The following ABHD16A variants were observed in gnomAD, a reference collection of about 807,000 sequenced individuals.
ABHD16A encodes the protein abhydrolase domain containing 16A, phospholipase, also known as phosphatidylserine lipase ABHD16A.
ABHD16A carries 47 observed loss-of-function variants against 89.8 expected under a neutral mutation model. The observed-to-expected ratio is 0.52, with a 90% CI of 0.41 to 0.67. ABHD16A has a LOEUF of 0.67. Among genes scored for constraint, ABHD16A ranks in the 30% least tolerant of loss-of-function variants. ABHD16A has a pLI of 0.00. For missense variants in ABHD16A, 580 were observed against 734.6 expected (o/e 0.79, Z 2.43); for synonymous variants, 251 against 280.4 (o/e 0.90, Z 1.05).
At position 31,691,852 on chromosome 6, in the gene ABHD16A, C is replaced by T. The variant is rs752913554; in HGVS notation, c.693G>A (p.Lys231=). 6 of 1,611,764 alleles carry T rather than the reference C, an allele frequency of 3.7e-6. No individual in the cohort carries two copies. Among genetic ancestry groups the T allele is most frequent in the African/African-American group, 1.3e-5 (1 of 74,874 alleles). The change falls in exon 8 of 20, where the codon AAG becomes AAA. Residue 231 remains lysine, a synonymous_variant. Coordinates refer to ENST00000395952, the MANE Select transcript of ABHD16A (RefSeq NM_021160.3). ...LYPGSVYLLQ[K]ALMPVLLQGQ... The stretch of plus-strand genomic sequence containing the variant: ...CCTGCAGCAGCACAGGCATGAGGGC[C>T]TTCTGCAGCAGGTACACAGAGCCTG...
Position 31,688,895 on chromosome 6 carries a change from C to T in ABHD16A, c.1187-109G>A. On this transcript the variant is annotated intron_variant, in intron 13 of 19. Coordinates refer to ENST00000395952, the MANE Select transcript of ABHD16A (RefSeq NM_021160.3). The surrounding 1 kb of genome is among the most constrained non-coding windows in gnomAD (Gnocchi z 4.9). ...ACTGAGGCCCCCAGACAAAGGAGTC[C>T]TCCTGCTTCCAACAATGGGGCGACT... 1 of 1,423,812 alleles carries T rather than the reference C, an allele frequency of 7.0e-7. No homozygotes were observed. Among genetic ancestry groups the T allele is most frequent in the Non-Finnish European group, 9.7e-7 (1 of 1,032,334 alleles). 88.2% of individuals were successfully genotyped at this position (1,423,812 alleles called of 1,614,324 possible). A position where few individuals can be genotyped will look rare whatever the true frequency, so the allele number is the denominator to read the frequency against.
rs2151246144 is a variant in ABHD16A, at chr6:31,697,052, G to A, written c.344-19C>T. ...CCAATGCCTGGTAGAAAAAGGACAG[G>A]AAACAGTGCTAGGAAAACTGGGAAG... is the stretch of plus-strand genomic sequence containing the variant. On this transcript the variant is annotated intron_variant, in intron 4 of 19. Transcript: ENST00000395952. 2 of 1,605,020 alleles carry A rather than the reference G, an allele frequency of 1.2e-6. No homozygotes were observed. The highest frequency in any genetic ancestry group is 8.5e-7 in the Non-Finnish European group (1 of 1,172,718).
In ABHD16A at chr6:31,701,335, T is replaced by C. The variant is rs1350639732; in HGVS notation, c.195A>G (p.Ser65=). ...AGTAATAAGAGATGGACCAGAATAC[T>C]GAAGCCTGCAGCAGAGAGACAGGGA... ...KHADSILALA[S]VFWSISYYSS... Residue 65 remains serine, a synonymous_variant, in exon 3 of 20, where the codon TCA becomes TCG. Transcript: ENST00000395952. 2 of 1,612,172 alleles carry C rather than the reference T, an allele frequency of 1.2e-6. No homozygotes were observed. Among genetic ancestry groups the C allele is most frequent in the African/African-American group, 1.3e-5 (1 of 74,544 alleles).
rs1040053016 is a variant in ABHD16A at position 31,698,964 on chromosome 6, T to C, written c.344-1931A>G. 5.3e-5 allele frequency among the ~76,000 whole-genome samples: 8 copies of C among 152,126 alleles called. No homozygotes were observed. The highest frequency in any genetic ancestry group is 1.4e-4 in the African/African-American group (6 of 41,418). The stretch of plus-strand genomic sequence containing the variant: ...AATTGCGAGATACAACATATGTACA[T>C]AAAACATATATTCAGTTTAAAAAAT... On this transcript the variant is annotated intron_variant, in intron 4 of 19. Coordinates refer to ENST00000395952, the MANE Select transcript of ABHD16A (RefSeq NM_021160.3). This position sits in a 1 kb window ranked among gnomAD's most constrained non-coding sequence, Gnocchi z 4.1.
rs1803585541 is a variant in ABHD16A, at chr6:31,689,045, A to G, written c.1156T>C (p.Leu386=). Reference sequence around the variant, plus strand: ...CTGTCTGGCATGACCTTCAAGGCCAAGGGCACCAGGTCATCAAAGGAGGCA... The same window carrying G: ...CTGTCTGGCATGACCTTCAAGGCCAGGGGCACCAGGTCATCAAAGGAGGCA... ...LDASFDDLVP[L]ALKVMPDSWR... The change falls in exon 13 of 20, where the codon TTG becomes CTG. Residue 386 remains leucine, a synonymous_variant. Transcript: ENST00000395952. The G allele has an allele frequency of 2.5e-6, 4 of 1,613,870 alleles. No homozygotes were observed. The highest frequency in any genetic ancestry group is 1.3e-5 in the African/African-American group (1 of 74,866).
chr6:31,693,474 G>A lies in ABHD16A; in HGVS notation c.430-42C>T, dbSNP rs1804106548. ...AGGCAAAGGGGTACTGAGAACTCAG[G>A]GGAGGCTCTCCTACCCACCCTCAAC... On this transcript the variant is annotated intron_variant, in intron 5 of 19. Coordinates refer to ENST00000395952, the MANE Select transcript of ABHD16A (RefSeq NM_021160.3). The surrounding 1 kb of genome is among the most constrained non-coding windows in gnomAD (Gnocchi z 5.0). The A allele has an allele frequency of 1.3e-6, 2 of 1,598,478 alleles. No individual in the cohort carries two copies.
Position 31,690,666 on chromosome 6 carries a change from C to G in ABHD16A, c.844-64G>C, listed in dbSNP as rs1249525207. 6.9e-7 allele frequency: 1 copy of G among 1,453,752 alleles called. No homozygotes were observed. The highest frequency in any genetic ancestry group is 2.3e-5 in the East Asian group (1 of 44,128). 90.1% of individuals were successfully genotyped at this position (1,453,752 alleles called of 1,614,324 possible). A position where few individuals can be genotyped will look rare whatever the true frequency, so the allele number is the denominator to read the frequency against. On this transcript the variant is annotated intron_variant, in intron 9 of 19. Transcript: ENST00000395952. The surrounding 1 kb of genome is among the most constrained non-coding windows in gnomAD (Gnocchi z 4.1). ...TTGGGACTGAAAAACTCCCTTTGGG[C>G]AGGGAGGGCAGCCCATGAAGAGCTT...
At chr6:31,692,189 GTAAC>G (rs1803952190) in intron 7 of ABHD16A, 2 of 402,426 alleles carry the variant, frequency 5.0e-6, no homozygotes, top group African/African-American at 4.0e-5. Context: ...GTTTTATGAT[GTAAC>G]TGTCTATACA....
intron 4 of ABHD16A, among the ~76,000 whole-genome samples, chr6:31,699,800 G>A (rs1433953837): frequency 6.6e-6 from 1 of 152,098 alleles, no homozygotes; most frequent in African/African-American, 2.4e-5. Flanking sequence ...ATGCAGTACA[G>A]TAGCGCAATC....
Position 31,691,933 on chromosome 6 carries a change from G to C in ABHD16A, c.627-15C>G. The C allele has an allele frequency of 6.3e-7, 1 of 1,587,154 alleles. No individual in the cohort carries two copies. The highest frequency in any genetic ancestry group is 8.6e-7 in the Non-Finnish European group (1 of 1,166,638). Reference sequence around the variant, plus strand: ...CCACCAGGTAGCTGTGGGGAACACAGGTTAACAAACCCCAACCCTGTTGAG... The same window carrying C: ...CCACCAGGTAGCTGTGGGGAACACACGTTAACAAACCCCAACCCTGTTGAG... On this transcript the variant is annotated splice_polypyrimidine_tract_variant and intron_variant, in intron 7 of 19. Coordinates refer to ENST00000395952, the MANE Select transcript of ABHD16A (RefSeq NM_021160.3).
intron 4 of ABHD16A, among the ~76,000 whole-genome samples, chr6:31,699,923 T>G (rs1461804971): frequency 2.0e-5 from 3 of 151,964 alleles, no homozygotes; most frequent in Non-Finnish European, 2.9e-5. Context: ...TTTTTTTGTA[T>G]GTTTAGTAGA....
rs565030823 is a variant in ABHD16A, at chr6:31,697,787, T to G, written c.344-754A>C. Among the ~76,000 whole-genome samples, 30 of 152,172 alleles carry G rather than the reference T, an allele frequency of 2.0e-4. No individual in the cohort carries two copies. In the East Asian group the frequency reaches 5.8e-3, roughly 29 times the overall value. ...CTGAGCCACCTCAAACCCTAACTTC[T>G]CTCCTCACTGACTTGGCAGGTGTCG... On this transcript the variant is annotated intron_variant, in intron 4 of 19. Transcript: ENST00000395952.
chr6:31,699,287 T>C (rs1015790657), intron 4 of ABHD16A, among the ~76,000 whole-genome samples: 2 of 151,444 alleles, frequency 1.3e-5, no homozygotes, highest in Non-Finnish European at 2.9e-5. Flanking sequence ...TGGGCGCCTG[T>C]AGTCCCAGCT....
At chr6:31,689,492 T>A in intron 12 of ABHD16A, 89 bp downstream of exon 12, 1 of 1,432,934 alleles carries the variant, frequency 7.0e-7, no homozygotes. Context: ...TCCTTGAGCC[T>A]CCACCCCACC....
chr6:31,688,005 A>G lies in ABHD16A; in HGVS notation c.1370+36T>C. The G allele has an allele frequency of 1.2e-6, 2 of 1,611,636 alleles. No homozygotes were observed. The highest frequency in any genetic ancestry group is 1.7e-6 in the Non-Finnish European group (2 of 1,178,990). ...TGCTGGTATCAGTATCTGTGTGTGTACACTGCCCCCAGCGCGCACACACCC... is the reference window on the plus strand; with the variant it reads ...TGCTGGTATCAGTATCTGTGTGTGTGCACTGCCCCCAGCGCGCACACACCC... On this transcript the variant is annotated intron_variant, in intron 16 of 19. Coordinates refer to ENST00000395952, the MANE Select transcript of ABHD16A (RefSeq NM_021160.3). This position sits in a 1 kb window ranked among gnomAD's most constrained non-coding sequence, Gnocchi z 4.9.
At chr6:31,697,637 A>G (rs1440518938) in intron 4 of ABHD16A, among the ~76,000 whole-genome samples, 1 of 152,150 alleles carries the variant, frequency 6.6e-6, no homozygotes. Flanking sequence ...CCAGTTCCTG[A>G]ACAGTTCCTC....
In ABHD16A at chr6:31,688,228, C is replaced by G; in HGVS notation, c.1307+21G>C. ...TGGCCATCTCTGGGGTTCCTGAGGG[C>G]CGAGATTCCCACGCACTCACGTGGT... is the stretch of plus-strand genomic sequence containing the variant. On this transcript the variant is annotated intron_variant, in intron 15 of 19. Transcript: ENST00000395952. The surrounding 1 kb of genome is among the most constrained non-coding windows in gnomAD (Gnocchi z 4.9). 1 of 1,613,608 alleles carries G rather than the reference C, an allele frequency of 6.2e-7. No homozygotes were observed.
intron 5 of ABHD16A, among the ~76,000 whole-genome samples, chr6:31,694,661 G>T (rs1176613212): frequency 6.6e-6 from 1 of 152,044 alleles, no homozygotes; most frequent in Non-Finnish European, 1.5e-5. Context: ...AAAGTGCTGG[G>T]ATTACAGGTG....
rs891967675 is a variant in ABHD16A, at chr6:31,688,276, C to A, written c.1280G>T (p.Arg427Ile). 2 of 1,614,090 alleles carry A rather than the reference C, an allele frequency of 1.2e-6. No homozygotes were observed. Among genetic ancestry groups the A allele is most frequent in the South Asian group, 2.2e-5 (2 of 91,080 alleles). The change falls in exon 15 of 20, where the codon AGA (arginine) becomes ATA (isoleucine). Residue 427 changes from arginine (R) to isoleucine (I), a missense_variant. By Grantham distance (97) the Arg-to-Ile change is moderately conservative (BLOSUM62 -3). This residue lies in a region of ABHD16A where 415 missense variants were observed against 568.8 expected (regional missense o/e 0.73). Transcript: ENST00000395952. The surrounding 1 kb of genome is among the most constrained non-coding windows in gnomAD (Gnocchi z 4.9). Reference sequence around the variant, plus strand: ...GGTGGTGATGATCTCATCCTTGGTTCTCCGGATCAGCAGTACAGGACCCTG... The same window carrying A: ...GGTGGTGATGATCTCATCCTTGGTTATCCGGATCAGCAGTACAGGACCCTG... Reference protein sequence around the residue: ...RYQGPVLLIRRTKDEIITTTV... With the variant: ...RYQGPVLLIRITKDEIITTTV...
Sources: gnomAD v4.1 joint callset for allele counts (sites outside exome capture counted in the v4.1 genomes callset) on GRCh38, gnomAD v4.1.1 for gene constraint, gnomAD v4.1.1 regional missense constraint, Gnocchi (gnomAD v3.1) non-coding constraint, MANE v1.5 for transcripts, NCBI Gene and HGNC (gene_info 2026-07-23, HGNC 2026-07-21) for gene names.